The following SCFD2 variants were observed in gnomAD, a reference collection of about 807,000 sequenced individuals.
The protein encoded by SCFD2 is sec1 family domain containing 2, also known as sec1 family domain-containing protein 2.
SCFD2 carries 54 observed loss-of-function variants against 58.9 expected under a neutral mutation model. That is an observed-to-expected ratio of 0.92 (90% CI 0.74 to 1.15). SCFD2 has a LOEUF of 1.15. SCFD2 is among the 50% of genes most tolerant of loss of function. The probability of loss-of-function intolerance (pLI) is 0.00; values close to 1 mark genes in which losing one functional copy is unlikely to be tolerated. For synonymous variants in SCFD2, 321 were observed against 335.9 expected (o/e 0.96, Z 0.49); for missense variants, 805 against 836.6 (o/e 0.96, Z 0.47).
At chr4:53,288,484 A>C (rs940071480) in intron 3 of SCFD2, among the ~76,000 whole-genome samples, 2 of 152,180 alleles carry the variant, frequency 1.3e-5, no homozygotes, top group Non-Finnish European at 2.9e-5. Context: ...AAAGCAGCAA[A>C]AGAAAAGAAT....
intron 5 of SCFD2, among the ~76,000 whole-genome samples, chr4:52,966,732 A>G (rs1720970742): frequency 1.3e-5 from 2 of 152,206 alleles, no homozygotes; most frequent in South Asian, 2.1e-4. Context: ...CATCTTACAT[A>G]AGTCTGGTAC....
At chr4:53,188,871 T>C (rs1405771475) in intron 4 of SCFD2, among the ~76,000 whole-genome samples, 1 of 152,194 alleles carries the variant, frequency 6.6e-6, no homozygotes, top group African/African-American at 2.4e-5. Flanking sequence ...CTTGTTTTTT[T>C]CCTGCCCAGC....
chr4:53,266,377 C>T (rs551760898), intron 4 of SCFD2, among the ~76,000 whole-genome samples: 26 of 152,232 alleles, frequency 1.7e-4, no homozygotes, highest in African/African-American at 6.0e-4. Flanking sequence ...TCAATCCTGA[C>T]AATAACACTA....
chr4:52,914,168 G>T (rs1719550903), intron 6 of SCFD2, among the ~76,000 whole-genome samples: 1 of 152,222 alleles, frequency 6.6e-6, no homozygotes, highest in African/African-American at 2.4e-5. Context: ...AAACTATGCA[G>T]CCAGGCAAGA....
rs1419793714 is a variant in SCFD2 at position 53,163,495 on chromosome 4, G to A, written c.1312-17913C>T. Among the ~76,000 whole-genome samples, 2 of 152,134 alleles carry A rather than the reference G, an allele frequency of 1.3e-5. 1 individual carries two copies. Among genetic ancestry groups the A allele is most frequent in the Non-Finnish European group, 2.9e-5 (2 of 68,026 alleles). ...TCCCAGCACTTAAGGAGGCCGAGGT[G>A]GGCAGATCACTTGAGGTCAAGAGTT... On this transcript the variant is annotated intron_variant, in intron 4 of 8. Transcript: ENST00000401642.
intron 5 of SCFD2, among the ~76,000 whole-genome samples, chr4:53,044,578 T>G (rs1477568029): frequency 6.7e-6 from 1 of 148,676 alleles, no homozygotes; most frequent in East Asian, 2.0e-4. Context: ...CCCTTTCCCC[T>G]TCCCATTCCC....
intron 5 of SCFD2, among the ~76,000 whole-genome samples, chr4:53,138,192 T>C (rs1726000941): frequency 6.6e-6 from 1 of 152,162 alleles, no homozygotes; most frequent in Non-Finnish European, 1.5e-5. Flanking sequence ...CATCATTTTA[T>C]TCTCAGCAAA....
At chr4:53,197,586 T>C (rs1249365657) in intron 4 of SCFD2, among the ~76,000 whole-genome samples, 1 of 152,014 alleles carries the variant, frequency 6.6e-6, no homozygotes, top group Non-Finnish European at 1.5e-5. Context: ...AAAAAGCAAA[T>C]GCTTTTTATT....
intron 4 of SCFD2, among the ~76,000 whole-genome samples, chr4:53,147,825 T>G (rs1726379744): frequency 6.6e-6 from 1 of 152,252 alleles, no homozygotes; most frequent in African/African-American, 2.4e-5. Flanking sequence ...TAAGAAAGTT[T>G]ATGAATTCCT....
At chr4:53,163,916 T>C (rs1431572638) in intron 4 of SCFD2, among the ~76,000 whole-genome samples, 1 of 152,196 alleles carries the variant, frequency 6.6e-6, no homozygotes, top group Admixed American at 6.5e-5. Context: ...TCCTCCTCTT[T>C]TAAAAATGTA....
At chr4:52,990,030 T>C (rs1200541339) in intron 5 of SCFD2, among the ~76,000 whole-genome samples, 1 of 152,230 alleles carries the variant, frequency 6.6e-6, no homozygotes, top group Non-Finnish European at 1.5e-5. Context: ...AATCTATCAT[T>C]TACGCACATG....
At chr4:53,333,987 A>G (rs1186617210) in intron 2 of SCFD2, among the ~76,000 whole-genome samples, 1 of 150,730 alleles carries the variant, frequency 6.6e-6, no homozygotes. Context: ...GCAGCCAAAA[A>G]ACACATGAAA....
intron 5 of SCFD2, among the ~76,000 whole-genome samples, chr4:53,058,246 A>ATATTTTC (rs1347625534): frequency 1.3e-5 from 2 of 152,108 alleles, no homozygotes; most frequent in Non-Finnish European, 1.5e-5. Context: ...ATTAATTCAA[A>ATATTTTC]TATTTTCTTT....
At chr4:53,192,432 A>T (rs1727941829) in intron 4 of SCFD2, among the ~76,000 whole-genome samples, 1 of 152,258 alleles carries the variant, frequency 6.6e-6, no homozygotes, top group Non-Finnish European at 1.5e-5. Context: ...AATCAAGGTC[A>T]GAATCAAATT....
intron 4 of SCFD2, among the ~76,000 whole-genome samples, chr4:53,228,773 C>A (rs558400063): frequency 6.6e-6 from 1 of 152,136 alleles, no homozygotes; most frequent in African/African-American, 2.4e-5. Context: ...CTGGTCAGGG[C>A]AATCAGGCAG....
intron 2 of SCFD2, among the ~76,000 whole-genome samples, chr4:53,352,152 T>A (rs910891279): frequency 1.3e-5 from 2 of 152,222 alleles, no homozygotes; most frequent in East Asian, 1.9e-4. Context: ...AAAAATATAC[T>A]TAGAAATAAA....
chr4:53,156,569 G>T (rs1448643530), intron 4 of SCFD2, among the ~76,000 whole-genome samples: 1 of 152,120 alleles, frequency 6.6e-6, no homozygotes, highest in African/African-American at 2.4e-5. Flanking sequence ...GTGGTGGCAG[G>T]CACCTGTAGT....
rs768090103 is a variant in SCFD2 at position 53,365,648 on chromosome 4, G to C, written c.294C>G (p.Phe98Leu). Residue 98 changes from phenylalanine to leucine, a missense_variant, in exon 1 of 9, where the codon TTC (phenylalanine) becomes TTG (leucine). Around this residue, in one of 3 missense-constraint regions of SCFD2, gnomAD observed 155 missense variants for 149.7 expected, o/e 1.04. Coordinates refer to ENST00000401642, the MANE Select transcript of SCFD2 (RefSeq NM_152540.4). This position sits in a 1 kb window ranked among gnomAD's most constrained non-coding sequence, Gnocchi z 4.3. ...CGGTTGTGACCACCACACAATACTG[G>C]AAGTGACTGCGGCAGATGATGTCCC... ...ILRDIICRSH[F>L]QYCVVVTTVS... 1.9e-6 allele frequency: 3 copies of C among 1,614,202 alleles called. No homozygotes were observed. In the Admixed American group the frequency reaches 5.0e-5, roughly 27 times the overall value.
At chr4:52,876,085 C>T (rs1373069307) in intron 8 of SCFD2, among the ~76,000 whole-genome samples, 4 of 151,796 alleles carry the variant, frequency 2.6e-5, no homozygotes, top group African/African-American at 7.3e-5. Flanking sequence ...TTGAGCCTGG[C>T]GGCTTCCAGG....
Sources: gnomAD v4.1 joint callset for allele counts (sites outside exome capture counted in the v4.1 genomes callset) on GRCh38, gnomAD v4.1.1 for gene constraint, gnomAD v4.1.1 regional missense constraint, Gnocchi (gnomAD v3.1) non-coding constraint, MANE v1.5 for transcripts, NCBI Gene and HGNC (gene_info 2026-07-23, HGNC 2026-07-21) for gene names.